The following THSD7B variants were observed in gnomAD, a reference collection of about 807,000 sequenced individuals.
THSD7B encodes the protein thrombospondin type-1 domain-containing protein 7B.
THSD7B carries 138 observed loss-of-function variants against 213.6 expected under a neutral mutation model. That is an observed-to-expected ratio of 0.65 (90% CI 0.56 to 0.74). THSD7B has a LOEUF of 0.74. Among genes scored for constraint, THSD7B ranks in the 30% least tolerant of loss-of-function variants. The pLI is 0.00. For missense variants in THSD7B, 1,931 were observed against 1,991.5 expected, an observed-to-expected ratio of 0.97 and a Z score of 0.58; for synonymous variants, 742 against 687.0, an observed-to-expected ratio of 1.08 and a Z score of -1.25.
At chr2:137,282,093 A>T (rs913925363) in intron 12 of THSD7B, among the ~76,000 whole-genome samples, 2 of 152,016 alleles carry the variant, frequency 1.3e-5, no homozygotes, top group Admixed American at 6.6e-5. Context: ...AATGATCGCC[A>T]TTCTAACTGG....
intron 2 of THSD7B, among the ~76,000 whole-genome samples, chr2:136,932,505 C>CTACTGATAA (rs11281272): frequency 0.41 from 61,901 of 151,646 alleles, 14,749 homozygotes; most frequent in Non-Finnish European, 0.55. Context: ...ACAGGAAGCT[C>CTACTGATAA]TACTGATAAC....
chr2:137,330,974 C>A (rs1684490669), intron 12 of THSD7B, among the ~76,000 whole-genome samples: 1 of 152,170 alleles, frequency 6.6e-6, no homozygotes, highest in South Asian at 2.1e-4. Flanking sequence ...TAGTTAGATA[C>A]AGAGTATGGA....
intron 12 of THSD7B, among the ~76,000 whole-genome samples, chr2:137,304,637 C>T (rs938863762): frequency 6.6e-6 from 1 of 152,034 alleles, no homozygotes; most frequent in Non-Finnish European, 1.5e-5. Flanking sequence ...AGTTTCTTCA[C>T]TGGTATATGT....
intron 15 of THSD7B, among the ~76,000 whole-genome samples, chr2:137,476,154 TATTTTC>T (rs1224492528): frequency 6.6e-6 from 1 of 152,116 alleles, no homozygotes; most frequent in Non-Finnish European, 1.5e-5. Flanking sequence ...TTAATGTGAC[TATTTTC>T]ATTTTTGTTT....
At chr2:136,885,690 G>C (rs1023840310) in intron 2 of THSD7B, among the ~76,000 whole-genome samples, 1 of 152,170 alleles carries the variant, frequency 6.6e-6, no homozygotes, top group Non-Finnish European at 1.5e-5. Context: ...TTGGTTCTAA[G>C]AGGTTCACTT....
intron 1 of THSD7B, among the ~76,000 whole-genome samples, chr2:136,871,198 A>C (rs1050956092): frequency 6.6e-6 from 1 of 152,202 alleles, no homozygotes; most frequent in African/African-American, 2.4e-5. Context: ...GTGTGTGCCC[A>C]TCCAAATGCA....
chr2:137,135,077 G>A (rs10204209), intron 5 of THSD7B, among the ~76,000 whole-genome samples: 73,572 of 152,018 alleles, frequency 0.48, 19,388 homozygotes, highest in Non-Finnish European at 0.58. Flanking sequence ...ACATAAAATA[G>A]TAAACATATA....
intron 12 of THSD7B, among the ~76,000 whole-genome samples, chr2:137,400,294 G>GTT (rs1011135018): frequency 1.3e-4 from 20 of 148,330 alleles, no homozygotes; most frequent in African/African-American, 4.9e-4. Context: ...GTAATACCTT[G>GTT]TTTTTTTTTT....
intron 12 of THSD7B, among the ~76,000 whole-genome samples, chr2:137,333,247 G>A (rs72977623): frequency 0.052 from 7,869 of 151,724 alleles, 626 homozygotes; most frequent in African/African-American, 0.17. Flanking sequence ...GACGCAAATT[G>A]TCTTCATCTA....
intron 12 of THSD7B, among the ~76,000 whole-genome samples, chr2:137,311,386 C>G (rs1558752736): frequency 2.6e-5 from 4 of 152,058 alleles, no homozygotes; most frequent in African/African-American, 4.8e-5. Context: ...AGTTGCTTAT[C>G]AGCTTAAGGA....
At position 137,252,911 on chromosome 2, in the gene THSD7B, C is replaced by CTTT. The variant is rs754932566; in HGVS notation, c.2266+10362_2266+10364dup. Among the ~76,000 whole-genome samples the CTTT allele has an allele frequency of 9.3e-3, 748 of 80,654 alleles. 27 individuals are homozygous for CTTT. The highest frequency in any genetic ancestry group is 0.029 in the African/African-American group (611 of 21,158). The allele number at this position is 80,654 out of a possible 152,430, so 52.9% of individuals were successfully genotyped here. A position where few individuals can be genotyped will look rare whatever the true frequency, so the allele number is the denominator to read the frequency against. On this transcript the variant is annotated intron_variant, in intron 10 of 27. Coordinates refer to ENST00000409968, the MANE Select transcript of THSD7B (RefSeq NM_001316349.2). Reference sequence around the variant, plus strand: ...GCATGTTTCCAATAGAAAAGGCTTGCTTTTTTTTTTTTTTTTTTTTTTTTT... The same window carrying CTTT: ...GCATGTTTCCAATAGAAAAGGCTTGCTTTTTTTTTTTTTTTTTTTTTTTTTTTT...
intron 1 of THSD7B, among the ~76,000 whole-genome samples, chr2:136,821,924 A>T (rs1682570628): frequency 6.6e-6 from 1 of 152,170 alleles, no homozygotes; most frequent in Non-Finnish European, 1.5e-5. Flanking sequence ...GACTTCAATA[A>T]ATGTATGCTG....
At chr2:137,524,328 C>G (rs960223886) in intron 15 of THSD7B, among the ~76,000 whole-genome samples, 2 of 152,098 alleles carry the variant, frequency 1.3e-5, no homozygotes, top group African/African-American at 4.8e-5. Flanking sequence ...ACCGTCTCTG[C>G]CATGGGCCAC....
chr2:136,780,027 A>G (rs1339918319), intron 1 of THSD7B, among the ~76,000 whole-genome samples: 3 of 151,924 alleles, frequency 2.0e-5, no homozygotes, highest in African/African-American at 7.3e-5. Flanking sequence ...ACCACAGATG[A>G]GGTGATTTTT....
At chr2:137,518,564 A>C (rs1045085876) in intron 15 of THSD7B, among the ~76,000 whole-genome samples, 3 of 152,194 alleles carry the variant, frequency 2.0e-5, no homozygotes, top group Non-Finnish European at 4.4e-5. Context: ...AAAAACTGTG[A>C]AGATATTTGT....
intron 7 of THSD7B, among the ~76,000 whole-genome samples, chr2:137,176,064 A>G (rs1680351957): frequency 6.6e-6 from 1 of 152,180 alleles, no homozygotes; most frequent in Non-Finnish European, 1.5e-5. Context: ...CTTATAAGAT[A>G]TTCTAAATGC....
intron 2 of THSD7B, among the ~76,000 whole-genome samples, chr2:136,981,843 T>C (rs1378167608): frequency 2.0e-5 from 3 of 152,160 alleles, no homozygotes; most frequent in South Asian, 4.1e-4. Flanking sequence ...CACCCCTCTT[T>C]CTTATCTGCC....
chr2:137,469,257 T>G (rs888640858), intron 15 of THSD7B, among the ~76,000 whole-genome samples: 1 of 152,170 alleles, frequency 6.6e-6, no homozygotes, highest in African/African-American at 2.4e-5. Flanking sequence ...GTTAGCTGCA[T>G]AACGCTAAAT....
intron 4 of THSD7B, among the ~76,000 whole-genome samples, chr2:137,098,144 A>G (rs1489147545): frequency 6.6e-6 from 1 of 152,240 alleles, no homozygotes; most frequent in Admixed American, 6.5e-5. Flanking sequence ...ACTCATAAGC[A>G]AGTCATGTGC....
Sources: allele counts gnomAD v4.1 joint callset (sites outside exome capture counted in the v4.1 genomes callset), GRCh38; gene constraint gnomAD v4.1.1; transcripts MANE v1.5; gene names NCBI Gene and HGNC (gene_info 2026-07-23, HGNC 2026-07-21).